The following TCF12 variants were observed in gnomAD, a reference collection of about 807,000 sequenced individuals.
TCF12 encodes DNA-binding protein HTF4.
In TCF12, 45 loss-of-function variants were observed where a neutral mutation model predicts 86.0. The ratio of observed to expected loss-of-function variants is 0.52; its 90% CI spans 0.41 to 0.67. TCF12 has a LOEUF of 0.67. Ranked by LOEUF, TCF12 falls within the 30% of genes least tolerant of loss-of-function variation. The pLI is 0.00. For synonymous variants in TCF12, 330 were observed against 299.6 expected (o/e 1.10, Z -1.05); for missense variants, 881 against 859.9 (o/e 1.02, Z -0.31).
downstream of TCF12, among the ~76,000 whole-genome samples, chr15:57,290,341 CAAAAAA>C (rs149851542): frequency 9.7e-6 from 1 of 103,136 alleles, no homozygotes; most frequent in African/African-American, 3.6e-5. Context: ...AAAACTGTCT[CAAAAAA>C]AAAAAAAAAA....
intron 4 of TCF12, among the ~76,000 whole-genome samples, chr15:57,084,451 C>T (rs946988347): frequency 9.2e-5 from 14 of 152,102 alleles, no homozygotes; most frequent in Admixed American, 2.6e-4. Context: ...TGTACCGGGT[C>T]CTGTGACTTA....
chr15:57,207,234 A>C (rs1397508674), intron 8 of TCF12, among the ~76,000 whole-genome samples: 1 of 152,246 alleles, frequency 6.6e-6, no homozygotes, highest in Non-Finnish European at 1.5e-5. Flanking sequence ...TGGTCTAAAC[A>C]TAAAACCTTC....
At chr15:57,208,033 CTT>C (rs201258233) in intron 8 of TCF12, among the ~76,000 whole-genome samples, 25 of 137,022 alleles carry the variant, frequency 1.8e-4, no homozygotes, top group Admixed American at 2.2e-4. Flanking sequence ...CTTCAAGATT[CTT>C]TTTTTTTTTT....
At chr15:57,011,388 T>A (rs1271768758) in intron 3 of TCF12, among the ~76,000 whole-genome samples, 1 of 151,898 alleles carries the variant, frequency 6.6e-6, no homozygotes. Context: ...TGCCCCCCGC[T>A]TTTCCTTCTA....
chr15:56,923,671 C>T (rs933923183), intron 3 of TCF12, among the ~76,000 whole-genome samples: 1 of 152,100 alleles, frequency 6.6e-6, no homozygotes, highest in Non-Finnish European at 1.5e-5. Flanking sequence ...AAATCCATGT[C>T]CTCAACTTCG....
rs942739420 is a variant in TCF12, at chr15:57,031,256, A to C, written c.149-32494A>C. Among the ~76,000 whole-genome samples, 30 of 152,262 alleles carry C rather than the reference A, an allele frequency of 2.0e-4. No individual in the cohort carries two copies. The South Asian group carries it at 2.5e-3, about 13-fold the overall frequency. ...CTGTCAAGTGATTGCTAAGGGCTAG[A>C]TGTGGCCTTGTGGAACTTGGATAAA... On this transcript the variant is annotated intron_variant, in intron 3 of 20. Coordinates refer to ENST00000333725, the MANE Select transcript of TCF12 (RefSeq NM_207037.2).
chr15:56,928,259 A>AT (rs548436331), intron 3 of TCF12, among the ~76,000 whole-genome samples: 9 of 152,094 alleles, frequency 5.9e-5, no homozygotes, highest in Admixed American at 3.9e-4. Context: ...TTATCTATAT[A>AT]TTTTTTTCCT....
intron 8 of TCF12, chr15:57,219,388 G>A: frequency 7.5e-7 from 1 of 1,328,024 alleles, no homozygotes; most frequent in Non-Finnish European, 9.8e-7. Context: ...GTCCTATTTT[G>A]CATAAGTTCC....
chr15:57,100,356 A>G (rs1044960394), intron 5 of TCF12, among the ~76,000 whole-genome samples: 17 of 152,240 alleles, frequency 1.1e-4, no homozygotes, highest in African/African-American at 3.9e-4. Context: ...TTTTGATTTA[A>G]GAAAAGTCCT....
chr15:57,180,363 A>G (rs2056249443), intron 6 of TCF12, among the ~76,000 whole-genome samples: 1 of 152,196 alleles, frequency 6.6e-6, no homozygotes, highest in African/African-American at 2.4e-5. Context: ...AATTAGAACA[A>G]CAACTGCAAA....
intron 5 of TCF12, among the ~76,000 whole-genome samples, chr15:57,119,183 C>G (rs1211050813): frequency 2.0e-5 from 3 of 152,130 alleles, no homozygotes; most frequent in Non-Finnish European, 4.4e-5. Flanking sequence ...ATCTCCACCT[C>G]CCCAGTTCAA....
At chr15:56,942,819 G>A (rs1435528509) in intron 3 of TCF12, among the ~76,000 whole-genome samples, 5 of 151,974 alleles carry the variant, frequency 3.3e-5, no homozygotes, top group African/African-American at 1.2e-4. Flanking sequence ...GAAATTGTCA[G>A]TTCAGATATG....
intron 4 of TCF12, among the ~76,000 whole-genome samples, chr15:57,066,195 TC>T (rs1283995818): frequency 6.6e-6 from 1 of 152,154 alleles, no homozygotes; most frequent in East Asian, 1.9e-4. Flanking sequence ...TTTTGGGGTT[TC>T]ATCTTTTAAC....
intron 3 of TCF12, among the ~76,000 whole-genome samples, chr15:57,038,513 T>A (rs1213236844): frequency 2.0e-5 from 3 of 152,130 alleles, no homozygotes; most frequent in African/African-American, 7.2e-5. Context: ...TGGGTACTAT[T>A]TCGTGATATC....
chr15:57,230,833 G>A (rs1371594540), intron 8 of TCF12, among the ~76,000 whole-genome samples: 1 of 151,924 alleles, frequency 6.6e-6, no homozygotes, highest in East Asian at 1.9e-4. Flanking sequence ...TGAATCCTGA[G>A]CCTATGTGAG....
At chr15:56,930,830 A>G (rs1230622039) in intron 3 of TCF12, among the ~76,000 whole-genome samples, 5 of 152,164 alleles carry the variant, frequency 3.3e-5, no homozygotes, top group African/African-American at 9.7e-5. Context: ...TAACTTCAGC[A>G]TGAAGTATTT....
intron 3 of TCF12, among the ~76,000 whole-genome samples, chr15:57,009,468 G>A (rs2064689022): frequency 6.6e-6 from 1 of 152,146 alleles, no homozygotes; most frequent in Non-Finnish European, 1.5e-5. Context: ...TCCAGTGCCA[G>A]TTATCTGTGA....
chr15:57,177,805 T>C (rs1185920875), intron 6 of TCF12, among the ~76,000 whole-genome samples: 1 of 152,038 alleles, frequency 6.6e-6, no homozygotes, highest in Non-Finnish European at 1.5e-5. Context: ...ACTGCAGCCT[T>C]GACCTCCCAG....
intron 5 of TCF12, among the ~76,000 whole-genome samples, chr15:57,157,608 G>A (rs1011657903): frequency 1.3e-5 from 2 of 150,460 alleles, no homozygotes; most frequent in African/African-American, 4.9e-5. Flanking sequence ...CACCACCCAG[G>A]CTGGAGTACA....
Sources: gnomAD v4.1 joint callset for allele counts (sites outside exome capture counted in the v4.1 genomes callset) on GRCh38, gnomAD v4.1.1 for gene constraint, MANE v1.5 for transcripts, NCBI Gene and HGNC (gene_info 2026-07-23, HGNC 2026-07-21) for gene names.